Variants in SV2C observed in about 807,000 individuals in gnomAD.
SV2C encodes the protein solute carrier family 22 member B3.
Under a neutral mutation model 79.7 loss-of-function variants are expected in SV2C, and 49 were observed. The ratio of observed to expected loss-of-function variants is 0.61; its 90% CI spans 0.49 to 0.78. The LOEUF is 0.78. SV2C is among the 30% of genes least tolerant of loss of function. The pLI, the probability that SV2C is intolerant of heterozygous loss-of-function variation, is 0.00. For missense variants in SV2C, 833 were observed against 912.9 expected, an observed-to-expected ratio of 0.91 and a Z score of 1.13; for synonymous variants, 334 against 333.2, an observed-to-expected ratio of 1.00 and a Z score of -0.03.
At chr5:75,915,664 G>C in the SV2C span, among the ~76,000 whole-genome samples, 1 of 152,194 alleles carries the variant, frequency 6.6e-6, no homozygotes, top group Non-Finnish European at 1.5e-5. Context: ...CTACTCATGA[G>C]AATAGGATTT....
At chr5:75,958,709 A>T in the SV2C span, among the ~76,000 whole-genome samples, 1 of 151,812 alleles carries the variant, frequency 6.6e-6, no homozygotes, top group African/African-American at 2.4e-5. Flanking sequence ...GACACACGTC[A>T]TTTTCTCCGT....
the SV2C span, among the ~76,000 whole-genome samples, chr5:75,917,328 C>T: frequency 6.6e-6 from 1 of 152,228 alleles, no homozygotes; most frequent in Non-Finnish European, 1.5e-5. Context: ...TTTTTACCTT[C>T]TCTGCCTGTA....
intron 2 of SV2C, among the ~76,000 whole-genome samples, chr5:76,166,236 A>C (rs565865704): frequency 5.0e-4 from 76 of 152,342 alleles, no homozygotes; most frequent in African/African-American, 1.8e-3. Flanking sequence ...ACACATAATG[A>C]CACAGTAGCT....
At chr5:76,124,855 T>A (rs2112170476) in intron 1 of SV2C, among the ~76,000 whole-genome samples, 1 of 152,334 alleles carries the variant, frequency 6.6e-6, no homozygotes, top group Admixed American at 6.5e-5. Context: ...AAAATAAGCA[T>A]GCTTTGGTTT....
chr5:76,097,297 T>C (rs187285), intron 1 of SV2C, among the ~76,000 whole-genome samples: 80,782 of 152,106 alleles, frequency 0.53, 22,077 homozygotes, highest in East Asian at 0.73. Flanking sequence ...TGTAAATTTT[T>C]TAGGAGTAAA....
chr5:75,947,411 T>C, the SV2C span, among the ~76,000 whole-genome samples: 1 of 151,264 alleles, frequency 6.6e-6, no homozygotes, highest in Non-Finnish European at 1.5e-5. Flanking sequence ...ATTTTCTCTA[T>C]CTGCCCCCCT....
intron 12 of SV2C, among the ~76,000 whole-genome samples, chr5:76,311,878 A>G (rs1368929038): frequency 6.6e-6 from 1 of 152,098 alleles, no homozygotes. Flanking sequence ...GAGAACACCA[A>G]CAGAAGATGC....
At chr5:76,034,459 G>A in the SV2C span, among the ~76,000 whole-genome samples, 1 of 152,182 alleles carries the variant, frequency 6.6e-6, no homozygotes, top group Admixed American at 6.5e-5. Flanking sequence ...TTAGCATGAA[G>A]GGTTGTTGAA....
intron 2 of SV2C, among the ~76,000 whole-genome samples, chr5:76,173,393 G>C (rs923128892): frequency 5.3e-5 from 8 of 152,118 alleles, no homozygotes; most frequent in Admixed American, 1.3e-4. Flanking sequence ...GTAGCCTCTG[G>C]TTTTACCAGC....
At chr5:75,886,190 G>C in the SV2C span, among the ~76,000 whole-genome samples, 25 of 152,150 alleles carry the variant, frequency 1.6e-4, no homozygotes, top group Non-Finnish European at 3.1e-4. Context: ...ACTCCTAGGA[G>C]CTCATCATTC....
Position 76,083,427 on chromosome 5 carries a change from C to T in SV2C, c.-187C>T, listed in dbSNP as rs1053937989. The T allele has an allele frequency of 3.3e-5, 5 of 152,576 alleles. No individual in the cohort carries two copies. The highest frequency in any genetic ancestry group is 1.2e-4 in the African/African-American group (5 of 41,590). 9.5% of individuals were successfully genotyped at this position (152,576 alleles called of 1,614,324 possible). A position where few individuals can be genotyped will look rare whatever the true frequency, so the allele number is the denominator to read the frequency against. Reference sequence around the variant, plus strand: ...GCGAGAGTGGCAGACGGAGGCAGCCCGGGGAAGCGAGCCGGAGCGGCGCCC... The same window carrying T: ...GCGAGAGTGGCAGACGGAGGCAGCCTGGGGAAGCGAGCCGGAGCGGCGCCC... On this transcript the variant is annotated 5_prime_UTR_variant, in exon 1 of 13. Coordinates refer to ENST00000502798, the MANE Select transcript of SV2C (RefSeq NM_014979.4).
chr5:76,211,901 T>C (rs1204606432), intron 4 of SV2C, among the ~76,000 whole-genome samples: 1 of 152,176 alleles, frequency 6.6e-6, no homozygotes, highest in Non-Finnish European at 1.5e-5. Context: ...AAAAGCAAGA[T>C]ATAAGGAATT....
chr5:75,918,399 A>G, the SV2C span, among the ~76,000 whole-genome samples: 1 of 152,254 alleles, frequency 6.6e-6, no homozygotes. Context: ...TGATAGTTGC[A>G]TACGTATTTT....
intron 4 of SV2C, among the ~76,000 whole-genome samples, chr5:76,237,681 T>C (rs1043308229): frequency 3.0e-4 from 45 of 152,190 alleles, no homozygotes; most frequent in Non-Finnish European, 5.3e-4. Flanking sequence ...CCACATACTA[T>C]ATTGATAGTA....
intron 2 of SV2C, among the ~76,000 whole-genome samples, chr5:76,144,007 C>T (rs902925791): frequency 8.7e-6 from 1 of 115,570 alleles, no homozygotes; most frequent in African/African-American, 2.6e-5. Flanking sequence ...GGAATAAAAA[C>T]TTGATGGCCT....
the SV2C span, among the ~76,000 whole-genome samples, chr5:76,003,229 C>CT: frequency 1.3e-5 from 2 of 152,092 alleles, no homozygotes; most frequent in African/African-American, 4.8e-5. Context: ...AACCTCTTTC[C>CT]TTTATAACTT....
At chr5:75,903,518 C>T in the SV2C span, among the ~76,000 whole-genome samples, 1 of 152,160 alleles carries the variant, frequency 6.6e-6, no homozygotes, top group East Asian at 1.9e-4. Flanking sequence ...CCATCCCGAA[C>T]TTTTCTTTCA....
At chr5:76,203,662 G>A (rs191709911) in intron 3 of SV2C, among the ~76,000 whole-genome samples, 141 of 152,218 alleles carry the variant, frequency 9.3e-4, no homozygotes, top group Middle Eastern at 3.4e-3. Context: ...TAAGGGAGTT[G>A]AATTGCAGCT....
At chr5:76,262,756 A>T (rs1746516945) in intron 4 of SV2C, among the ~76,000 whole-genome samples, 1 of 152,176 alleles carries the variant, frequency 6.6e-6, no homozygotes, top group African/African-American at 2.4e-5. Context: ...TGAGTTTCTT[A>T]ATCCTGAGTT....
Sources: allele counts gnomAD v4.1 joint callset (sites outside exome capture counted in the v4.1 genomes callset), GRCh38; gene constraint gnomAD v4.1.1; transcripts MANE v1.5; gene names NCBI Gene and HGNC (gene_info 2026-07-23, HGNC 2026-07-21).